Variants in PCDHGA3 observed in about 807,000 individuals in gnomAD.
The protein encoded by PCDHGA3 is protocadherin gamma-A3.
In PCDHGA3, 40 loss-of-function variants were observed where a neutral mutation model predicts 58.5. The observed-to-expected ratio is 0.68, with a 90% CI of 0.53 to 0.89. The LOEUF is 0.89. Among genes scored for constraint, PCDHGA3 ranks in the 40% least tolerant of loss-of-function variants. The pLI, the probability that PCDHGA3 is intolerant of heterozygous loss-of-function variation, is 0.00. For missense variants in PCDHGA3, 1,223 were observed against 1,195.9 expected (o/e 1.02, Z -0.33); for synonymous variants, 530 against 525.7 (o/e 1.01, Z -0.11).
At chr5:141,364,765 T>C (rs767363057) in intron 1 of PCDHGA3, 4 of 1,613,970 alleles carry the variant, frequency 2.5e-6, no homozygotes, top group Non-Finnish European at 3.4e-6. Flanking sequence ...TTAATGAAAA[T>C]GCGGCTGCAG....
chr5:141,362,595 T>C, intron 1 of PCDHGA3: 3 of 1,586,430 alleles, frequency 1.9e-6, no homozygotes, highest in Non-Finnish European at 2.6e-6. Flanking sequence ...CTGGTTTTAT[T>C]GTTTCACCTA....
At chr5:141,360,360 C>T in intron 1 of PCDHGA3, 1 of 1,613,892 alleles carries the variant, frequency 6.2e-7, no homozygotes, top group Non-Finnish European at 8.5e-7. Flanking sequence ...AGGAATATTT[C>T]ACAGTAAACC....
intron 1 of PCDHGA3, among the ~76,000 whole-genome samples, chr5:141,462,269 T>C (rs2099036247): frequency 6.6e-6 from 1 of 152,230 alleles, no homozygotes; most frequent in Admixed American, 6.5e-5. Context: ...CTAAAGTGTA[T>C]TGTTTAGTCA....
At chr5:141,355,208 C>A in intron 1 of PCDHGA3, 1 of 1,598,104 alleles carries the variant, frequency 6.3e-7, no homozygotes, top group Non-Finnish European at 8.5e-7. Context: ...GTAATGGCGG[C>A]GCCTCCTGCT....
At chr5:141,499,908 G>A (rs903753761) in intron 2 of PCDHGA3, among the ~76,000 whole-genome samples, 2 of 151,980 alleles carry the variant, frequency 1.3e-5, no homozygotes, top group African/African-American at 2.4e-5. Flanking sequence ...GGCTGGTCTT[G>A]AACTCCTGGC....
At chr5:141,392,802 A>C in intron 1 of PCDHGA3, 2 of 1,572,582 alleles carry the variant, frequency 1.3e-6, no homozygotes, top group Non-Finnish European at 1.7e-6. Flanking sequence ...AGGATTCTGC[A>C]GCAAAACAAC....
chr5:141,362,657 G>T, intron 1 of PCDHGA3: 1 of 1,396,950 alleles, frequency 7.2e-7, no homozygotes, highest in Non-Finnish European at 9.5e-7. Context: ...GTTAGATTTG[G>T]CCAATGTTGT....
chr5:141,423,482 A>G, intron 1 of PCDHGA3: 2 of 1,613,968 alleles, frequency 1.2e-6, no homozygotes, highest in African/African-American at 1.3e-5. Flanking sequence ...GCTTTCCTGC[A>G]AACCTATTCC....
In PCDHGA3 at chr5:141,407,146, T is replaced by C. The variant is rs142297912; in HGVS notation, c.2424+60689T>C. On this transcript the variant is annotated intron_variant, in intron 1 of 3. Transcript: ENST00000253812. ...TGCTTTATTTTTAAGAAAAAAAAGC[T>C]GAAGTGTCTGGGAATCCTTTATGAC... 2.0e-5 allele frequency among the ~76,000 whole-genome samples: 3 copies of C among 152,354 alleles called. No individual in the cohort carries two copies. The East Asian group carries it at 5.8e-4, about 29-fold the overall frequency.
At chr5:141,385,427 T>C (rs1052771598) in intron 1 of PCDHGA3, 27 of 1,460,068 alleles carry the variant, frequency 1.8e-5, no homozygotes, top group Non-Finnish European at 2.3e-5. Context: ...TAAAAAACTT[T>C]ATAGAGGTAA....
chr5:141,423,706 A>C (rs1045905298), intron 1 of PCDHGA3: 1 of 1,231,762 alleles, frequency 8.1e-7, no homozygotes, highest in Admixed American at 3.4e-5. Context: ...TCTTGGCACA[A>C]GTCTTTTAAG....
In PCDHGA3 at chr5:141,375,715, C is replaced by T. The variant is rs773544417; in HGVS notation, c.2424+29258C>T. 3.7e-6 allele frequency: 6 copies of T among 1,614,284 alleles called. 1 individual carries two copies. Among genetic ancestry groups the T allele is most frequent in the Non-Finnish European group, 5.1e-6 (6 of 1,180,050 alleles). Reference sequence around the variant, plus strand: ...ACAGCGGGGACCCGCCTCTTAGCAGCAACGTGTCACTGAGCCTGTTTGTGC... The same window carrying T: ...ACAGCGGGGACCCGCCTCTTAGCAGTAACGTGTCACTGAGCCTGTTTGTGC... On this transcript the variant is annotated intron_variant, in intron 1 of 3. Coordinates refer to ENST00000253812, the MANE Select transcript of PCDHGA3 (RefSeq NM_018916.4).
chr5:141,409,480 C>G, intron 1 of PCDHGA3: 1 of 1,614,002 alleles, frequency 6.2e-7, no homozygotes, highest in Non-Finnish European at 8.5e-7. Context: ...TAGCCACTGA[C>G]AGGGGCAAGC....
At chr5:141,468,783 G>A (rs908838744) in intron 1 of PCDHGA3, among the ~76,000 whole-genome samples, 7 of 151,460 alleles carry the variant, frequency 4.6e-5, no homozygotes, top group South Asian at 2.1e-4. Context: ...GGAGAATGGC[G>A]TGAACCCGGG....
chr5:141,362,313 T>C, intron 1 of PCDHGA3: 1 of 1,614,046 alleles, frequency 6.2e-7, no homozygotes, highest in Non-Finnish European at 8.5e-7. Flanking sequence ...CTTGGGACTG[T>C]TTTCAGCCTG....
At chr5:141,496,808 G>A (rs1387209844) in intron 2 of PCDHGA3, among the ~76,000 whole-genome samples, 3 of 151,736 alleles carry the variant, frequency 2.0e-5, no homozygotes, top group South Asian at 4.2e-4. Flanking sequence ...GGCTATAGGA[G>A]TGAACAAGTA....
intron 1 of PCDHGA3, chr5:141,413,176 A>T: frequency 6.2e-7 from 1 of 1,601,892 alleles, no homozygotes; most frequent in Non-Finnish European, 8.5e-7. Context: ...CCAGACTACA[A>T]TGGCCGCTCA....
At chr5:141,412,057 T>C (rs1426056647) in intron 1 of PCDHGA3, 1 of 152,202 alleles carries the variant, frequency 6.6e-6, no homozygotes, top group Non-Finnish European at 1.5e-5. Flanking sequence ...TCTATACCCT[T>C]TGCATTTGAG....
chr5:141,383,876 G>T (rs747987128), intron 1 of PCDHGA3: 1 of 1,613,978 alleles, frequency 6.2e-7, no homozygotes, highest in South Asian at 1.1e-5. Flanking sequence ...GATGGTCCTG[G>T]TAGTCTGACA....
Sources: allele counts gnomAD v4.1 joint callset (sites outside exome capture counted in the v4.1 genomes callset), GRCh38; gene constraint gnomAD v4.1.1; transcripts MANE v1.5; gene names NCBI Gene and HGNC (gene_info 2026-07-23, HGNC 2026-07-21).